Variants in LAMA1 observed in about 807,000 individuals in gnomAD.
LAMA1 encodes the protein laminin subunit alpha 1.
LAMA1 carries 219 observed loss-of-function variants against 348.7 expected under a neutral mutation model. That is an observed-to-expected ratio of 0.63 (90% CI 0.56 to 0.70). The LOEUF (loss-of-function observed/expected upper bound fraction) is 0.70. Among genes scored for constraint, LAMA1 ranks in the 30% least tolerant of loss-of-function variants. LAMA1 has a pLI of 0.00. For missense variants in LAMA1, 3,744 were observed against 3,888.0 expected (o/e 0.96, Z 0.99); for synonymous variants, 1,487 against 1,491.0 (o/e 1.00, Z 0.06).
intron 16 of LAMA1, among the ~76,000 whole-genome samples, chr18:7,030,390 G>C (rs1009160288): frequency 1.3e-5 from 2 of 152,176 alleles, no homozygotes; most frequent in Non-Finnish European, 2.9e-5. Flanking sequence ...GAGGAGAGGA[G>C]ACTAAAAAGG....
chr18:6,981,081 C>T (rs1340822186), intron 41 of LAMA1, among the ~76,000 whole-genome samples: 10 of 148,778 alleles, frequency 6.7e-5, no homozygotes, highest in East Asian at 2.0e-4. Flanking sequence ...CCAGCCTGGG[C>T]GACGGAGCGA....
At chr18:7,112,125 A>G (rs1207247198) in intron 1 of LAMA1, among the ~76,000 whole-genome samples, 1 of 152,306 alleles carries the variant, frequency 6.6e-6, no homozygotes, top group Non-Finnish European at 1.5e-5. Context: ...ATAGTAAACA[A>G]TACTTTTAGA....
intron 1 of LAMA1, among the ~76,000 whole-genome samples, chr18:7,097,863 C>G (rs1313461205): frequency 6.6e-6 from 1 of 151,256 alleles, no homozygotes; most frequent in African/African-American, 2.4e-5. Flanking sequence ...CCCCTCTCCC[C>G]ACGGTCTCCC....
Position 6,986,310 on chromosome 18 carries a change from A to G in LAMA1, c.5206T>C (p.Tyr1736His). The change falls in exon 37 of 63, where the codon TAC (tyrosine) becomes CAC (histidine). Residue 1736 changes from tyrosine (Y) to histidine (H), a missense_variant. Transcript: ENST00000389658. ...TCCAATTCTTCCAGCGGCTTCTGGTAATTTTCCTGAATTTGTGACAATAAA... is the reference window on the plus strand; with the variant it reads ...TCCAATTCTTCCAGCGGCTTCTGGTGATTTTCCTGAATTTGTGACAATAAA... ...EDLLSQIQEN[Y>H]QKPLEELEVL... is the part of the protein sequence containing the mutation. 1 of 1,614,174 alleles carries G rather than the reference A, an allele frequency of 6.2e-7. No homozygotes were observed. Among genetic ancestry groups the G allele is most frequent in the Non-Finnish European group, 8.5e-7 (1 of 1,180,032 alleles).
chr18:7,091,449 A>G (rs1053832047), intron 1 of LAMA1, among the ~76,000 whole-genome samples: 4 of 152,218 alleles, frequency 2.6e-5, no homozygotes, highest in African/African-American at 4.8e-5. Context: ...CAATATTTAT[A>G]TCCTTTAAAT....
At position 7,061,635 on chromosome 18, in the gene LAMA1, T is replaced by C. The variant is rs1444212473; in HGVS notation, c.346-10699A>G. Among the ~76,000 whole-genome samples, 4 of 152,228 alleles carry C rather than the reference T, an allele frequency of 2.6e-5. No homozygotes were observed. In the South Asian group the frequency reaches 6.2e-4, roughly 24 times the overall value. ...TCCCCATTTGTTCATGTTGGGACAG[T>C]GGTGGCAATGAATGGCATCCCTTCC... On this transcript the variant is annotated intron_variant, in intron 3 of 62. Transcript: ENST00000389658.
At chr18:6,998,836 C>A (rs1411935916) in intron 32 of LAMA1, among the ~76,000 whole-genome samples, 1 of 152,144 alleles carries the variant, frequency 6.6e-6, no homozygotes, top group Admixed American at 6.5e-5. Flanking sequence ...AGTTCAAGAC[C>A]AGCCTGGCCA....
chr18:7,049,467 T>C (rs1488563729), intron 4 of LAMA1, among the ~76,000 whole-genome samples: 1 of 152,082 alleles, frequency 6.6e-6, no homozygotes, highest in Admixed American at 6.6e-5. Flanking sequence ...GCCCAGCTAA[T>C]TTTTGTATTT....
At chr18:7,073,497 G>T (rs2058154354) in intron 3 of LAMA1, among the ~76,000 whole-genome samples, 1 of 152,080 alleles carries the variant, frequency 6.6e-6, no homozygotes. Flanking sequence ...CATCCAAATT[G>T]ATTCATATAA....
chr18:7,071,377 A>G (rs1374104474), intron 3 of LAMA1, among the ~76,000 whole-genome samples: 2 of 152,256 alleles, frequency 1.3e-5, no homozygotes, highest in Non-Finnish European at 2.9e-5. Context: ...AAATTCCTAT[A>G]TATGTACCTG....
intron 6 of LAMA1, among the ~76,000 whole-genome samples, chr18:7,046,029 T>C (rs9962139): frequency 0.055 from 8,321 of 151,886 alleles, 801 homozygotes; most frequent in African/African-American, 0.19. Context: ...CACTTTCAAA[T>C]GGTAAACTTT....
chr18:7,075,391 G>A (rs2058163369), intron 3 of LAMA1, among the ~76,000 whole-genome samples: 3 of 152,162 alleles, frequency 2.0e-5, no homozygotes. Flanking sequence ...GGGAGGCCAA[G>A]GTGGGCAGGT....
chr18:6,988,808 T>TAAAAAAA (rs1169877701), intron 36 of LAMA1, among the ~76,000 whole-genome samples: 17 of 100,234 alleles, frequency 1.7e-4, no homozygotes, highest in South Asian at 3.7e-4. Context: ...TCCGTCTCAA[T>TAAAAAAA]AAAAAAAAAA....
In LAMA1 at chr18:6,993,822, G is replaced by A. The variant is rs1192547344; in HGVS notation, c.4897-70C>T. 1.0e-5 allele frequency: 9 copies of A among 870,792 alleles called. No individual in the cohort carries two copies. The East Asian group carries it at 2.2e-4, about 21-fold the overall frequency. The allele number at this position is 870,792 out of a possible 1,614,324, so 53.9% of individuals were successfully genotyped here. A position where few individuals can be genotyped will look rare whatever the true frequency, so the allele number is the denominator to read the frequency against. On this transcript the variant is annotated intron_variant, in intron 34 of 62. Coordinates refer to ENST00000389658, the MANE Select transcript of LAMA1 (RefSeq NM_005559.4). ...TAGTTTGACTTTAAATAATACGCAA[G>A]TTGTAATATTCCACTGTTGCCGCTT...
chr18:7,003,394 G>A (rs1427183504), intron 29 of LAMA1, among the ~76,000 whole-genome samples: 1 of 151,850 alleles, frequency 6.6e-6, no homozygotes, highest in East Asian at 1.9e-4. Context: ...GGGACTACAG[G>A]TGCCCACCAC....
Position 7,117,726 on chromosome 18 carries a change from C to T in LAMA1, c.-6G>A. 1 of 1,596,356 alleles carries T rather than the reference C, an allele frequency of 6.3e-7. No individual in the cohort carries two copies. Among genetic ancestry groups the T allele is most frequent in the Non-Finnish European group, 8.5e-7 (1 of 1,177,750 alleles). On this transcript the variant is annotated 5_prime_UTR_variant, in exon 1 of 63. Transcript: ENST00000389658. ...AGGAGCACGCCCCCGCGCATCTCGCCTCCGCCGCCACTCGGTGGGTCTGGG... is the reference window on the plus strand; with the variant it reads ...AGGAGCACGCCCCCGCGCATCTCGCTTCCGCCGCCACTCGGTGGGTCTGGG...
intron 36 of LAMA1, 46 bp downstream of exon 36, chr18:6,992,515 T>C: frequency 6.2e-7 from 1 of 1,602,194 alleles, no homozygotes; most frequent in East Asian, 2.2e-5. Context: ...GCGTGCAAGT[T>C]TCTCTCTCTA....
intron 1 of LAMA1, among the ~76,000 whole-genome samples, chr18:7,116,964 C>T (rs1319575622): frequency 6.6e-6 from 1 of 152,136 alleles, no homozygotes; most frequent in Non-Finnish European, 1.5e-5. Flanking sequence ...CCCCGGCGCG[C>T]CCACGGTCAA....
intron 3 of LAMA1, among the ~76,000 whole-genome samples, chr18:7,057,474 T>TTCTTTTC (rs1224802395): frequency 1.1e-5 from 1 of 91,094 alleles, no homozygotes; most frequent in African/African-American, 7.0e-5. Context: ...TTCTTTTCTT[T>TTCTTTTC]TTTTTTTTTT....
Sources: gnomAD v4.1 joint callset for allele counts (sites outside exome capture counted in the v4.1 genomes callset) on GRCh38, gnomAD v4.1.1 for gene constraint, MANE v1.5 for transcripts, NCBI Gene and HGNC (gene_info 2026-07-23, HGNC 2026-07-21) for gene names.